The following LRBA variants were observed in gnomAD, a reference collection of about 807,000 sequenced individuals.
The protein encoded by LRBA is lipopolysaccharide-responsive and beige-like anchor protein.
Under a neutral mutation model 330.0 loss-of-function variants are expected in LRBA, and 176 were observed. The ratio of observed to expected loss-of-function variants is 0.53; its 90% CI spans 0.47 to 0.60. The LOEUF is 0.60. LRBA is among the 20% of genes least tolerant of loss of function. LRBA has a pLI of 0.00. For missense variants in LRBA, 3,259 were observed against 3,444.8 expected (o/e 0.95, Z 1.35); for synonymous variants, 1,230 against 1,193.0 (o/e 1.03, Z -0.64).
chr4:150,291,608 CTT>C (rs1333991057), intron 53 of LRBA, among the ~76,000 whole-genome samples: 2 of 108,292 alleles, frequency 1.8e-5, no homozygotes, highest in East Asian at 2.4e-4. Flanking sequence ...AATAGGAACA[CTT>C]TTACACTGTT....
intron 48 of LRBA, among the ~76,000 whole-genome samples, chr4:150,326,994 A>G (rs1733361633): frequency 6.6e-6 from 1 of 152,220 alleles, no homozygotes; most frequent in South Asian, 2.1e-4. Flanking sequence ...ATGATTAAAC[A>G]TCAAGAACAA....
chr4:150,831,697 T>C, intron 29 of LRBA, 120 bp downstream of exon 29: 1 of 639,524 alleles, frequency 1.6e-6, no homozygotes, highest in Non-Finnish European at 2.4e-6. Context: ...AAAATATATG[T>C]ATGCTCTCCC....
At position 150,971,554 on chromosome 4, in the gene LRBA, TAC is replaced by T. The variant is rs1388476545; in HGVS notation, c.217-42491_217-42490del. Among the ~76,000 whole-genome samples, 8 of 152,316 alleles carry T rather than the reference TAC, an allele frequency of 5.3e-5. No individual in the cohort carries two copies. The South Asian group carries it at 1.2e-3, about 24-fold the overall frequency. ...GGAATATTTGGCATAAGGGTGAAAA[TAC>T]ACAGATATACTTGGTTCCTCATGTC... On this transcript the variant is annotated intron_variant, in intron 2 of 56. Transcript: ENST00000651943.
intron 30 of LRBA, among the ~76,000 whole-genome samples, chr4:150,826,958 A>G (rs1472406231): frequency 2.0e-5 from 3 of 152,230 alleles, no homozygotes; most frequent in South Asian, 2.1e-4. Context: ...GGTGTTGTGC[A>G]TGACTCCACA....
intron 44 of LRBA, 126 bp downstream of exon 44, chr4:150,467,547 G>C: frequency 1.8e-6 from 1 of 567,150 alleles, no homozygotes; most frequent in Non-Finnish European, 3.1e-6. Flanking sequence ...CTGTTTAAGA[G>C]ATAATTATAT....
chr4:150,372,545 G>A (rs1471479609), intron 47 of LRBA, among the ~76,000 whole-genome samples: 7 of 112,148 alleles, frequency 6.2e-5, no homozygotes, highest in Non-Finnish European at 1.2e-4. Flanking sequence ...GGGTGACAGA[G>A]CAAGATCCCA....
chr4:150,733,909 G>C (rs917541107), intron 36 of LRBA, among the ~76,000 whole-genome samples: 9 of 152,064 alleles, frequency 5.9e-5, no homozygotes, highest in African/African-American at 2.2e-4. Context: ...CAGGACACAG[G>C]AATTAGATTT....
chr4:150,965,016 C>T (rs903379534), intron 2 of LRBA, among the ~76,000 whole-genome samples: 1 of 152,120 alleles, frequency 6.6e-6, no homozygotes, highest in Non-Finnish European at 1.5e-5. Context: ...TACAGAGGCA[C>T]TTTCATAGAG....
At chr4:150,797,306 G>C (rs1167075380) in intron 34 of LRBA, among the ~76,000 whole-genome samples, 1 of 151,678 alleles carries the variant, frequency 6.6e-6, no homozygotes, top group Non-Finnish European at 1.5e-5. Flanking sequence ...GTTTTGAAAT[G>C]GGTCAAAACC....
intron 37 of LRBA, among the ~76,000 whole-genome samples, chr4:150,639,564 C>T (rs1264228486): frequency 5.2e-5 from 4 of 77,624 alleles, no homozygotes; most frequent in Non-Finnish European, 9.7e-5. Context: ...CTGAGTGCTA[C>T]AATGATTTAG....
At chr4:150,776,976 C>G (rs1255640909) in intron 34 of LRBA, among the ~76,000 whole-genome samples, 1 of 151,758 alleles carries the variant, frequency 6.6e-6, no homozygotes, top group East Asian at 1.9e-4. Context: ...TCAAGTTTTA[C>G]AAATATGAAA....
chr4:150,576,516 T>G (rs779853955), intron 40 of LRBA, among the ~76,000 whole-genome samples: 1 of 151,946 alleles, frequency 6.6e-6, no homozygotes, highest in Non-Finnish European at 1.5e-5. Flanking sequence ...CTTACTTTAA[T>G]TTTCCTGAGC....
intron 40 of LRBA, among the ~76,000 whole-genome samples, chr4:150,524,162 C>T (rs1246787216): frequency 2.6e-5 from 4 of 152,092 alleles, no homozygotes; most frequent in Admixed American, 2.6e-4. Flanking sequence ...CTTATAGTCT[C>T]CTACAAGCAC....
chr4:150,892,919 G>T, intron 17 of LRBA, 133 bp downstream of exon 17: 9 of 522,080 alleles, frequency 1.7e-5, no homozygotes, highest in South Asian at 4.0e-5. Flanking sequence ...ATTATAAATG[G>T]GTCTTAAATC....
intron 49 of LRBA, among the ~76,000 whole-genome samples, chr4:150,322,469 C>T (rs1313859231): frequency 1.3e-5 from 2 of 152,162 alleles, no homozygotes; most frequent in Non-Finnish European, 2.9e-5. Context: ...TGATGAAATG[C>T]TTCTGGCTGC....
chr4:150,376,959 G>A (rs116591510), intron 47 of LRBA, among the ~76,000 whole-genome samples: 37 of 152,082 alleles, frequency 2.4e-4, no homozygotes, highest in African/African-American at 8.4e-4. Context: ...ACAGGGAAAA[G>A]GTCGGGGTGG....
At chr4:150,969,449 G>A (rs928203225) in intron 2 of LRBA, among the ~76,000 whole-genome samples, 4 of 152,144 alleles carry the variant, frequency 2.6e-5, no homozygotes, top group Non-Finnish European at 4.4e-5. Context: ...GACTTCCATG[G>A]AGGAAGTCAC....
rs746126479 is a variant in LRBA, at chr4:150,551,957, TG to T, written c.6330+36090del. The stretch of plus-strand genomic sequence containing the variant: ...AATTTTTCCACAGACCAAAGTGGGG[TG>T]GGGGGTAGGAGGTATGATTTTAGGA... On this transcript the variant is annotated intron_variant, in intron 40 of 56. Coordinates refer to ENST00000651943, the MANE Select transcript of LRBA (RefSeq NM_001364905.1). Among the ~76,000 whole-genome samples the T allele has an allele frequency of 1.5e-4, 23 of 151,848 alleles. No homozygotes were observed. In the East Asian group the frequency reaches 3.3e-3, roughly 22 times the overall value.
rs1347063118 is a variant in LRBA at position 150,387,332 on chromosome 4, A to C, written c.7194+28106T>G. Among the ~76,000 whole-genome samples the C allele has an allele frequency of 2.0e-5, 3 of 152,330 alleles. No individual in the cohort carries two copies. The East Asian group carries it at 5.8e-4, about 29-fold the overall frequency. ...TACCTTTATATGGTTTTAGAATGGA[A>C]GGTAAATACCACAATGAGAGTTCTT... is the stretch of plus-strand genomic sequence containing the variant. On this transcript the variant is annotated intron_variant, in intron 47 of 56. Coordinates refer to ENST00000651943, the MANE Select transcript of LRBA (RefSeq NM_001364905.1).
Sources: allele counts gnomAD v4.1 joint callset (sites outside exome capture counted in the v4.1 genomes callset), GRCh38; gene constraint gnomAD v4.1.1; transcripts MANE v1.5; gene names NCBI Gene and HGNC (gene_info 2026-07-23, HGNC 2026-07-21).